SPAG9: variants seen among roughly 807,000 people sequenced by gnomAD.
The protein encoded by SPAG9 is sperm associated antigen 9, also known as C-Jun-amino-terminal kinase-interacting protein 4.
Under a neutral mutation model 166.5 loss-of-function variants are expected in SPAG9, and 35 were observed. That is an observed-to-expected ratio of 0.21 (90% CI 0.16 to 0.28). SPAG9 has a LOEUF of 0.28. Among genes scored for constraint, SPAG9 ranks in the 10% least tolerant of loss-of-function variants. The pLI is 1.00. For missense variants in SPAG9, 1,235 were observed against 1,603.3 expected (o/e 0.77, Z 3.92); for synonymous variants, 534 against 565.5 (o/e 0.94, Z 0.79).
intron 3 of SPAG9, among the ~76,000 whole-genome samples, chr17:51,050,035 A>G (rs144696409): frequency 1.7e-3 from 262 of 152,316 alleles, no homozygotes; most frequent in Non-Finnish European, 2.1e-3. Flanking sequence ...TAATCTATGA[A>G]CTCAATATAG....
intron 1 of SPAG9, among the ~76,000 whole-genome samples, chr17:51,102,447 T>C (rs980866668): frequency 6.7e-6 from 1 of 149,408 alleles, no homozygotes; most frequent in African/African-American, 2.5e-5. Flanking sequence ...ATGTCTAACA[T>C]AAGAGAAGAA....
At chr17:50,998,668 C>T in intron 14 of SPAG9, 51 bp from the exon 15 acceptor site, 1 of 1,521,250 alleles carries the variant, frequency 6.6e-7, no homozygotes, top group Non-Finnish European at 9.0e-7. Flanking sequence ...AGAAACAATC[C>T]TTGATTTTCC....
At position 50,996,475 on chromosome 17, in the gene SPAG9, G is replaced by A. The variant is rs114585088; in HGVS notation, c.1968+90C>T. The A allele has an allele frequency of 1.6e-3, 2,275 of 1,456,172 alleles. 35 individuals carry two copies. In the African/African-American group the frequency reaches 0.028, roughly 18 times the overall value. The allele number at this position is 1,456,172 out of a possible 1,614,324, so 90.2% of individuals were successfully genotyped here. A position where few individuals can be genotyped will look rare whatever the true frequency, so the allele number is the denominator to read the frequency against. ...CCATGCGGCTGAGATGAGCAGGGCTGGGATGCGTACAGTGAATCCTTCATG... is the reference window on the plus strand; with the variant it reads ...CCATGCGGCTGAGATGAGCAGGGCTAGGATGCGTACAGTGAATCCTTCATG... On this transcript the variant is annotated intron_variant, in intron 16 of 29. Coordinates refer to ENST00000262013, the MANE Select transcript of SPAG9 (RefSeq NM_001130528.3).
At chr17:51,099,806 TA>T (rs2048757387) in intron 1 of SPAG9, among the ~76,000 whole-genome samples, 1 of 134,892 alleles carries the variant, frequency 7.4e-6, no homozygotes, top group African/African-American at 2.7e-5. Flanking sequence ...ATTGTTATCT[TA>T]AAAAAGACCC....
intron 19 of SPAG9, among the ~76,000 whole-genome samples, chr17:50,992,712 T>C (rs1328293970): frequency 2.0e-5 from 3 of 151,732 alleles, no homozygotes; most frequent in Admixed American, 1.3e-4. Context: ...GTTAAGAGGG[T>C]AGATCTCAGG....
At chr17:51,033,033 T>C (rs1287341315) in intron 5 of SPAG9, among the ~76,000 whole-genome samples, 3 of 152,056 alleles carry the variant, frequency 2.0e-5, no homozygotes, top group African/African-American at 7.2e-5. Context: ...GTTTTTTTTT[T>C]TCCCCTAGCT....
chr17:50,997,396 G>A (rs908327048), intron 15 of SPAG9, among the ~76,000 whole-genome samples: 3 of 152,152 alleles, frequency 2.0e-5, no homozygotes. Context: ...CAGAAAACGT[G>A]CTAGAAGTGA....
intron 6 of SPAG9, among the ~76,000 whole-genome samples, chr17:51,027,552 A>G (rs1482774627): frequency 1.3e-5 from 2 of 152,222 alleles, no homozygotes; most frequent in Non-Finnish European, 2.9e-5. Context: ...ATTTTGGTCA[A>G]TAATAGACAG....
intron 18 of SPAG9, among the ~76,000 whole-genome samples, chr17:50,994,413 T>C (rs1184506951): frequency 6.6e-6 from 1 of 152,180 alleles, no homozygotes; most frequent in Non-Finnish European, 1.5e-5. Context: ...GCAGTGTGAA[T>C]ATAGACTAAT....
rs2044636322 is a variant in SPAG9 at position 50,995,490 on chromosome 17, A to G, written c.2012T>C (p.Val671Ala). 1.2e-6 allele frequency: 2 copies of G among 1,612,220 alleles called. No individual in the cohort carries two copies. Among genetic ancestry groups the G allele is most frequent in the Non-Finnish European group, 1.7e-6 (2 of 1,178,500 alleles). ...QGENKMKNLP[V>A]PVYLRPLDEK... ...ATCCAGAGGTCTGAGATAGACAGGC[A>G]CAGGTAAATTTTTCATCTTATTTTC... Residue 671 changes from valine to alanine, a missense_variant, in exon 17 of 30, where the codon GTG becomes GCG. Around this residue, in one of 6 missense-constraint regions of SPAG9, gnomAD observed 493 missense variants for 559.4 expected, o/e 0.88. Coordinates refer to ENST00000262013, the MANE Select transcript of SPAG9 (RefSeq NM_001130528.3).
intron 19 of SPAG9, among the ~76,000 whole-genome samples, chr17:50,991,627 A>ATT (rs879696026): frequency 3.5e-5 from 5 of 144,782 alleles, no homozygotes; most frequent in African/African-American, 1.0e-4. Flanking sequence ...CATCACCATT[A>ATT]TTTTTTTTTT....
intron 6 of SPAG9, among the ~76,000 whole-genome samples, chr17:51,027,637 A>C (rs1305693716): frequency 6.6e-6 from 1 of 152,164 alleles, no homozygotes; most frequent in East Asian, 1.9e-4. Context: ...GTGATGTTGC[A>C]ACTGTCATAA....
intron 9 of SPAG9, among the ~76,000 whole-genome samples, chr17:51,013,895 TACACATAC>T: frequency 1.9e-5 from 1 of 53,468 alleles, no homozygotes; most frequent in Non-Finnish European, 3.6e-5. Context: ...CACACACACA[TACACATAC>T]ACACACACAC....
At chr17:51,016,208 C>T (rs1293398317) in intron 8 of SPAG9, 2 of 141,328 alleles carry the variant, frequency 1.4e-5, no homozygotes, top group African/African-American at 5.2e-5. Flanking sequence ...TCATAGTGCT[C>T]AAAAAAAAAA....
intron 15 of SPAG9, 172 bp downstream of exon 15, chr17:50,998,272 C>A (rs891345772): frequency 4.1e-6 from 2 of 489,436 alleles, no homozygotes; most frequent in Non-Finnish European, 7.2e-6. Context: ...CCTTGTGATC[C>A]GCCCACCTCG....
At chr17:51,037,685 A>ATATAGTGTGTGTGT in intron 5 of SPAG9, among the ~76,000 whole-genome samples, 2 of 83,492 alleles carry the variant, frequency 2.4e-5, no homozygotes, top group African/African-American at 7.8e-5. Context: ...ATATATATAT[A>ATATAGTGTGTGTGT]GTGTGTGTGT....
At position 51,001,685 on chromosome 17, in the gene SPAG9, G is replaced by A. The variant is rs186338543; in HGVS notation, c.1607+30C>T. On this transcript the variant is annotated intron_variant, in intron 13 of 29. Coordinates refer to ENST00000262013, the MANE Select transcript of SPAG9 (RefSeq NM_001130528.3). ...TATTCAAACCTACAAAATAATAGTA[G>A]GAAAATAATGGAGCGCTTGTCATAC... 1.9e-6 allele frequency: 3 copies of A among 1,591,404 alleles called. No individual in the cohort carries two copies. In the East Asian group the frequency reaches 6.8e-5, roughly 36 times the overall value.
chr17:51,099,305 T>C (rs2048734503), intron 1 of SPAG9, among the ~76,000 whole-genome samples: 1 of 150,580 alleles, frequency 6.6e-6, no homozygotes, highest in African/African-American at 2.4e-5. Flanking sequence ...TGGTGGCGCA[T>C]TCCTATAATC....
At chr17:51,005,627 G>A (rs894897083) in intron 11 of SPAG9, among the ~76,000 whole-genome samples, 1 of 152,238 alleles carries the variant, frequency 6.6e-6, no homozygotes, top group Non-Finnish European at 1.5e-5. Context: ...GAGGCAGGTG[G>A]ATCACCTGAG....
Sources: allele counts gnomAD v4.1 joint callset (sites outside exome capture counted in the v4.1 genomes callset), GRCh38; gene constraint gnomAD v4.1.1; regional missense constraint gnomAD v4.1.1; transcripts MANE v1.5; gene names NCBI Gene and HGNC (gene_info 2026-07-23, HGNC 2026-07-21).